The following ITPR2 variants were observed in gnomAD, a reference collection of about 807,000 sequenced individuals.
The protein encoded by ITPR2 is inositol 1,4,5-trisphosphate receptor type 2.
A neutral mutation model predicts 317.1 loss-of-function variants in ITPR2; 207 were observed. The observed-to-expected ratio is 0.65, with a 90% CI of 0.58 to 0.73. The LOEUF is 0.73. Ranked by LOEUF, ITPR2 falls within the 30% of genes least tolerant of loss-of-function variation. ITPR2 has a pLI of 0.00. For synonymous variants in ITPR2, 1,156 were observed against 1,149.1 expected (o/e 1.01, Z -0.12); for missense variants, 2,613 against 3,284.0 (o/e 0.80, Z 4.99).
At chr12:26,774,762 C>T (rs1334870752) in intron 2 of ITPR2, among the ~76,000 whole-genome samples, 2 of 152,210 alleles carry the variant, frequency 1.3e-5, no homozygotes, top group Non-Finnish European at 2.9e-5. Context: ...CAGCTTCCCA[C>T]CTCAACTTCC....
Position 26,578,448 on chromosome 12 carries a change from A to G in ITPR2, c.4630+265T>C, listed in dbSNP as rs76617647. ...ATGAAATCTGAGGTAACAATTAACT[A>G]AAATCCTCTAAAATCTGACTGAGCC... On this transcript the variant is annotated intron_variant, in intron 34 of 56. Transcript: ENST00000381340. Among the ~76,000 whole-genome samples, 807 of 152,336 alleles carry G rather than the reference A, an allele frequency of 5.3e-3. 5 individuals are homozygous for G. The highest frequency in any genetic ancestry group is 0.017 in the African/African-American group (723 of 41,578).
intron 13 of ITPR2, among the ~76,000 whole-genome samples, chr12:26,668,649 G>A (rs369627247): frequency 2.6e-5 from 4 of 152,260 alleles, no homozygotes; most frequent in South Asian, 4.2e-4. Flanking sequence ...AGTATCAGGA[G>A]GCTACTCCAC....
At chr12:26,788,322 C>A (rs1378374790) in intron 2 of ITPR2, among the ~76,000 whole-genome samples, 3 of 152,196 alleles carry the variant, frequency 2.0e-5, no homozygotes, top group Non-Finnish European at 4.4e-5. Context: ...TTATTAGCCA[C>A]TTCTACTCCC....
At chr12:26,624,393 AT>A in intron 23 of ITPR2, 37 bp from the exon 24 acceptor site, 1 of 1,447,382 alleles carries the variant, frequency 6.9e-7, no homozygotes, top group Non-Finnish European at 9.6e-7. Flanking sequence ...TCTTTATCCT[AT>A]TTTAATTAGG....
Position 26,599,229 on chromosome 12 carries a change from G to T in ITPR2, c.3918C>A (p.His1306Gln). Residue 1306 changes from histidine to glutamine, a missense_variant, in exon 30 of 57, where the codon CAC (histidine) becomes CAA (glutamine). This residue lies in a region of ITPR2 where 817 missense variants were observed against 897.6 expected (regional missense o/e 0.91). Coordinates refer to ENST00000381340, the MANE Select transcript of ITPR2 (RefSeq NM_002223.4). ...TTTGCAAAAACCTCAGGTACTCCACGTGGCGGCCATGTGTCTCAATGCAGT... is the reference window on the plus strand; with the variant it reads ...TTTGCAAAAACCTCAGGTACTCCACTTGGCGGCCATGTGTCTCAATGCAGT... ...FVHCIETHGR[H>Q]VEYLRFLQTI... The T allele has an allele frequency of 6.2e-7, 1 of 1,614,004 alleles. No individual in the cohort carries two copies.
chr12:26,783,189 A>G (rs367973764), intron 2 of ITPR2, among the ~76,000 whole-genome samples: 1 of 152,232 alleles, frequency 6.6e-6, no homozygotes, highest in South Asian at 2.1e-4. Flanking sequence ...TCTCTATATT[A>G]GTTCCAATTC....
intron 36 of ITPR2, among the ~76,000 whole-genome samples, chr12:26,555,782 A>G (rs1231931672): frequency 6.6e-6 from 1 of 151,966 alleles, no homozygotes; most frequent in Admixed American, 6.6e-5. Context: ...AATCAGGCTG[A>G]CCTCCCAGTC....
intron 55 of ITPR2, among the ~76,000 whole-genome samples, chr12:26,341,442 C>T (rs1269038277): frequency 6.6e-6 from 1 of 152,194 alleles, no homozygotes; most frequent in Non-Finnish European, 1.5e-5. Flanking sequence ...GTGACAGTGG[C>T]AAGGCCCAAT....
chr12:26,550,852 G>T (rs766375705), intron 36 of ITPR2, among the ~76,000 whole-genome samples: 1 of 152,004 alleles, frequency 6.6e-6, no homozygotes, highest in Admixed American at 6.6e-5. Flanking sequence ...CACTGCCAGG[G>T]TTTGGTAGGA....
At chr12:26,371,581 G>C (rs541814413) in intron 55 of ITPR2, among the ~76,000 whole-genome samples, 1 of 152,192 alleles carries the variant, frequency 6.6e-6, no homozygotes, top group Non-Finnish European at 1.5e-5. Flanking sequence ...GGCCACAAAA[G>C]GAAGATTTTA....
intron 2 of ITPR2, among the ~76,000 whole-genome samples, chr12:26,749,813 G>A (rs1398183466): frequency 6.6e-6 from 1 of 152,190 alleles, no homozygotes; most frequent in Non-Finnish European, 1.5e-5. Flanking sequence ...ACTTGAAAGT[G>A]AAGAAAATGT....
intron 2 of ITPR2, among the ~76,000 whole-genome samples, chr12:26,737,541 C>T (rs1173482959): frequency 6.6e-6 from 1 of 152,206 alleles, no homozygotes; most frequent in Non-Finnish European, 1.5e-5. Flanking sequence ...GCATAAGCCA[C>T]CGCACCTGGC....
intron 55 of ITPR2, among the ~76,000 whole-genome samples, chr12:26,361,673 T>G (rs997436495): frequency 2.0e-5 from 3 of 152,190 alleles, no homozygotes; most frequent in Non-Finnish European, 2.9e-5. Flanking sequence ...TTCCAAAGGA[T>G]TCTCTCCTAA....
intron 55 of ITPR2, among the ~76,000 whole-genome samples, chr12:26,342,806 T>C (rs1030144810): frequency 9.9e-5 from 15 of 152,002 alleles, no homozygotes; most frequent in Admixed American, 8.5e-4. Context: ...ATGGGGTTTC[T>C]TCATGTTGGT....
chr12:26,452,984 A>G (rs117092356), intron 45 of ITPR2, among the ~76,000 whole-genome samples: 15 of 152,308 alleles, frequency 9.8e-5, no homozygotes, highest in Non-Finnish European at 2.1e-4. Flanking sequence ...TATAACAAAT[A>G]TATTAGTTTA....
At chr12:26,424,584 G>GTGT (rs1336147785) in intron 49 of ITPR2, among the ~76,000 whole-genome samples, 1 of 79,062 alleles carries the variant, frequency 1.3e-5, no homozygotes, top group East Asian at 3.5e-4. Flanking sequence ...TTTTCGTTTT[G>GTGT]TGTTTTTTTT....
chr12:26,482,715 T>C (rs1222973293), intron 42 of ITPR2, among the ~76,000 whole-genome samples: 2 of 152,224 alleles, frequency 1.3e-5, no homozygotes, highest in Non-Finnish European at 2.9e-5. Flanking sequence ...GCCAAAACTG[T>C]CCTGTTTTCA....
intron 3 of ITPR2, among the ~76,000 whole-genome samples, chr12:26,724,980 T>C (rs1358050221): frequency 2.0e-5 from 3 of 152,144 alleles, no homozygotes; most frequent in Admixed American, 2.0e-4. Flanking sequence ...GGGGAGTGGA[T>C]GACTCCCCAA....
intron 55 of ITPR2, among the ~76,000 whole-genome samples, chr12:26,359,928 C>G (rs1223413340): frequency 6.6e-6 from 1 of 152,102 alleles, no homozygotes; most frequent in African/African-American, 2.4e-5. Context: ...TGTTCTGTAT[C>G]CCAAATACCA....
Sources: allele counts gnomAD v4.1 joint callset (sites outside exome capture counted in the v4.1 genomes callset), GRCh38; gene constraint gnomAD v4.1.1; regional missense constraint gnomAD v4.1.1; transcripts MANE v1.5; gene names NCBI Gene and HGNC (gene_info 2026-07-23, HGNC 2026-07-21).